The following TAFA1 variants were observed in gnomAD, a reference collection of about 807,000 sequenced individuals.
The protein encoded by TAFA1 is chemokine-like protein TAFA-1.
A neutral mutation model predicts 18.5 loss-of-function variants in TAFA1; 4 were observed. The observed-to-expected ratio is 0.22, with a 90% confidence interval of 0.11 to 0.49. TAFA1 has a LOEUF of 0.49. Among genes scored for constraint, TAFA1 ranks in the 20% least tolerant of loss-of-function variants. The pLI is 0.98. For synonymous variants in TAFA1, 56 were observed against 55.2 expected (o/e 1.01, Z -0.06); for missense variants, 147 against 169.0 (o/e 0.87, Z 0.72).
chr3:68,510,333 G>A (rs1302395350), intron 3 of TAFA1, among the ~76,000 whole-genome samples: 1 of 152,130 alleles, frequency 6.6e-6, no homozygotes, highest in Non-Finnish European at 1.5e-5. Context: ...GAATGGACAG[G>A]GCTTTGGCCA....
chr3:68,393,577 GCA>G (rs2070307985), intron 2 of TAFA1, among the ~76,000 whole-genome samples: 1 of 151,826 alleles, frequency 6.6e-6, no homozygotes, highest in South Asian at 2.1e-4. Context: ...AAATTTCAGG[GCA>G]ATATCCCTGT....
intron 3 of TAFA1, among the ~76,000 whole-genome samples, chr3:68,494,164 C>G (rs1170181034): frequency 6.6e-6 from 1 of 152,136 alleles, no homozygotes; most frequent in Non-Finnish European, 1.5e-5. Context: ...TGCAGTGGCA[C>G]AATCTCGGCT....
chr3:68,521,499 G>C (rs1210014587), intron 3 of TAFA1, among the ~76,000 whole-genome samples: 2 of 152,178 alleles, frequency 1.3e-5, no homozygotes, highest in Non-Finnish European at 2.9e-5. Context: ...CAGCTTAGTG[G>C]AGAGATAGAT....
chr3:68,504,908 G>T (rs955893993), intron 3 of TAFA1, among the ~76,000 whole-genome samples: 1 of 152,058 alleles, frequency 6.6e-6, no homozygotes, highest in East Asian at 1.9e-4. Context: ...AGTGAGGAGG[G>T]TATCTACTCA....
Position 68,313,917 on chromosome 3 carries a change from C to T in TAFA1, c.119-103363C>T, listed in dbSNP as rs969191855. ...TTAAGAAGTGGGTATGAATATTAGC[C>T]TGCAGATATCAAATATCCCTTACAT... On this transcript the variant is annotated intron_variant, in intron 2 of 4. Transcript: ENST00000478136. Among the ~76,000 whole-genome samples, 9 of 152,238 alleles carry T rather than the reference C, an allele frequency of 5.9e-5. No individual in the cohort carries two copies. In the East Asian group the frequency reaches 1.7e-3, roughly 29 times the overall value.
chr3:68,506,666 G>C (rs1377249236), intron 3 of TAFA1, among the ~76,000 whole-genome samples: 1 of 152,120 alleles, frequency 6.6e-6, no homozygotes, highest in Non-Finnish European at 1.5e-5. Context: ...TGAAATAGCT[G>C]CTCTAGCATT....
chr3:68,418,854 C>A (rs2106802003), intron 3 of TAFA1, among the ~76,000 whole-genome samples: 1 of 152,238 alleles, frequency 6.6e-6, no homozygotes, highest in South Asian at 2.1e-4. Context: ...TATTTTTTCT[C>A]TATTGTGATA....
intron 2 of TAFA1, among the ~76,000 whole-genome samples, chr3:68,385,522 T>C (rs1032624751): frequency 9.2e-5 from 14 of 152,124 alleles, no homozygotes; most frequent in African/African-American, 3.4e-4. Flanking sequence ...TATCTTTTTT[T>C]TAAAAGGATA....
chr3:68,148,948 C>T (rs538864304), intron 2 of TAFA1, among the ~76,000 whole-genome samples: 46 of 152,234 alleles, frequency 3.0e-4, no homozygotes, highest in African/African-American at 7.9e-4. Flanking sequence ...TGGATGTATA[C>T]ATAAAAGAAA....
chr3:68,357,579 A>G (rs181714210), intron 2 of TAFA1, among the ~76,000 whole-genome samples: 7 of 152,058 alleles, frequency 4.6e-5, no homozygotes, highest in Non-Finnish European at 8.8e-5. Flanking sequence ...TAGTCGGTGT[A>G]GTGTTTCTCT....
chr3:68,017,256 G>A (rs926421799), intron 2 of TAFA1, among the ~76,000 whole-genome samples: 3 of 152,214 alleles, frequency 2.0e-5, no homozygotes, highest in African/African-American at 7.2e-5. Context: ...GAACATGCAA[G>A]ATGCCACCTA....
intron 2 of TAFA1, among the ~76,000 whole-genome samples, chr3:68,129,640 C>T (rs1265280532): frequency 6.6e-6 from 1 of 152,152 alleles, no homozygotes; most frequent in Non-Finnish European, 1.5e-5. Context: ...TTATACGTTA[C>T]ATATTATAAC....
At chr3:68,080,389 A>G (rs907137248) in intron 2 of TAFA1, among the ~76,000 whole-genome samples, 1 of 150,784 alleles carries the variant, frequency 6.6e-6, no homozygotes, top group African/African-American at 2.4e-5. Flanking sequence ...TCGTTAGTTG[A>G]TGCAGTTTCT....
intron 3 of TAFA1, among the ~76,000 whole-genome samples, chr3:68,478,220 C>G (rs186827612): frequency 6.6e-6 from 1 of 152,144 alleles, no homozygotes; most frequent in Non-Finnish European, 1.5e-5. Flanking sequence ...AATTGGAACA[C>G]AGTATGGCAA....
At chr3:68,281,691 G>T (rs560941725) in intron 2 of TAFA1, among the ~76,000 whole-genome samples, 1 of 152,066 alleles carries the variant, frequency 6.6e-6, no homozygotes, top group Non-Finnish European at 1.5e-5. Context: ...CTCCCGACCT[G>T]AAGTGATCCA....
At chr3:68,395,599 A>G in intron 2 of TAFA1, among the ~76,000 whole-genome samples, 1 of 152,240 alleles carries the variant, frequency 6.6e-6, no homozygotes, top group East Asian at 1.9e-4. Context: ...AATGTGGCAC[A>G]TATACACTAT....
chr3:68,236,635 AT>A (rs1179976371), intron 2 of TAFA1, among the ~76,000 whole-genome samples: 2 of 152,220 alleles, frequency 1.3e-5, no homozygotes, highest in African/African-American at 4.8e-5. Context: ...GAATATTCCA[AT>A]TGCAGTCTTT....
intron 2 of TAFA1, among the ~76,000 whole-genome samples, chr3:68,376,203 G>T (rs1397258321): frequency 2.6e-5 from 4 of 151,608 alleles, no homozygotes; most frequent in African/African-American, 9.7e-5. Flanking sequence ...AAGTGGTTCA[G>T]TGTTTAATCT....
At chr3:68,254,287 A>G (rs902528031) in intron 2 of TAFA1, among the ~76,000 whole-genome samples, 10 of 152,136 alleles carry the variant, frequency 6.6e-5, no homozygotes, top group Non-Finnish European at 1.3e-4. Context: ...AGAATATGGG[A>G]CAAAGACAGT....
Sources: gnomAD v4.1 joint callset for allele counts (sites outside exome capture counted in the v4.1 genomes callset) on GRCh38, gnomAD v4.1.1 for gene constraint, MANE v1.5 for transcripts, NCBI Gene and HGNC (gene_info 2026-07-23, HGNC 2026-07-21) for gene names.